Variants in BLK observed in about 807,000 individuals in gnomAD.
BLK encodes tyrosine-protein kinase Blk.
BLK carries 64 observed loss-of-function variants against 61.8 expected under a neutral mutation model. The ratio of observed to expected loss-of-function variants is 1.03; its 90% confidence interval spans 0.85 to 1.27. BLK has a LOEUF of 1.27. Ranked by LOEUF, BLK falls within the 50% of genes most tolerant of loss-of-function variation. The pLI, the probability that BLK is intolerant of heterozygous loss-of-function variation, is 0.00. For missense variants in BLK, 853 were observed against 660.5 expected, an observed-to-expected ratio of 1.29 and a Z score of -3.19; for synonymous variants, 351 against 272.0, an observed-to-expected ratio of 1.29 and a Z score of -2.86.
chr8:11,505,353 C>A (rs1042611247), intron 1 of BLK, among the ~76,000 whole-genome samples: 3 of 152,110 alleles, frequency 2.0e-5, no homozygotes, highest in African/African-American at 7.2e-5. Context: ...TTGGAATGGG[C>A]CTGGAGAAGG....
intron 1 of BLK, among the ~76,000 whole-genome samples, chr8:11,502,718 C>T (rs555086676): frequency 2.0e-5 from 3 of 152,324 alleles, no homozygotes; most frequent in Non-Finnish European, 2.9e-5. Context: ...ACGGGGAGGC[C>T]GAGTGTCTTG....
intron 1 of BLK, among the ~76,000 whole-genome samples, chr8:11,495,517 A>C (rs1798331500): frequency 6.6e-6 from 1 of 152,206 alleles, no homozygotes; most frequent in Non-Finnish European, 1.5e-5. Flanking sequence ...GCTATTGTGA[A>C]CTGCCACGAC....
At chr8:11,497,864 G>T (rs1798413887) in intron 1 of BLK, among the ~76,000 whole-genome samples, 2 of 152,190 alleles carry the variant, frequency 1.3e-5, no homozygotes, top group African/African-American at 4.8e-5. Context: ...AAGCATTGGG[G>T]CTTCCTGCCA....
chr8:11,534,108 T>G (rs777440698), intron 1 of BLK, among the ~76,000 whole-genome samples: 1 of 152,254 alleles, frequency 6.6e-6, no homozygotes, highest in South Asian at 2.1e-4. Context: ...GGGCTGGGGT[T>G]GGGAGTCTGC....
At chr8:11,503,250 C>T (rs1039131653) in intron 1 of BLK, among the ~76,000 whole-genome samples, 12 of 152,242 alleles carry the variant, frequency 7.9e-5, no homozygotes, top group African/African-American at 2.9e-4. Flanking sequence ...ATAGATTAAG[C>T]TGGTTCTGAC....
At chr8:11,519,173 C>T (rs958671978) in intron 1 of BLK, among the ~76,000 whole-genome samples, 3 of 152,176 alleles carry the variant, frequency 2.0e-5, no homozygotes, top group Non-Finnish European at 4.4e-5. Context: ...AGATCTGTCT[C>T]AAAAGTTCTT....
At chr8:11,518,847 C>T (rs560755515) in intron 1 of BLK, among the ~76,000 whole-genome samples, 8 of 152,312 alleles carry the variant, frequency 5.3e-5, no homozygotes, top group African/African-American at 1.9e-4. Flanking sequence ...TCTGCCAAGC[C>T]TGTGCACTTT....
Position 11,556,652 on chromosome 8 carries a change from G to C in BLK, c.773-6G>C. ...CTGATTGGCTTCTTCACTCCCCCGG[G>C]CTCAGGTTACTACAAAAACAACATG... On this transcript the variant is annotated splice_polypyrimidine_tract_variant and splice_region_variant and intron_variant, in intron 8 of 12. Coordinates refer to ENST00000259089, the MANE Select transcript of BLK (RefSeq NM_001715.3). 6.2e-7 allele frequency: 1 copy of C among 1,614,092 alleles called. No homozygotes were observed. Among genetic ancestry groups the C allele is most frequent in the South Asian group, 1.1e-5 (1 of 91,078 alleles).
chr8:11,516,294 C>A lies in BLK; in HGVS notation c.-2+21703C>A, dbSNP rs529508558. ...AGCCACAGTAACAAAGAACAGAAAG[C>A]CCGACAGACACTGTCGTGGATGCTC... On this transcript the variant is annotated intron_variant, in intron 1 of 12. Transcript: ENST00000259089. 3.6e-4 allele frequency among the ~76,000 whole-genome samples: 55 copies of A among 152,316 alleles called. 2 individuals carry two copies. In the South Asian group the frequency reaches 0.011, roughly 31 times the overall value.
Position 11,562,979 on chromosome 8 carries a change from G to C in BLK, c.1181G>C (p.Gly394Ala). 1.2e-6 allele frequency: 2 copies of C among 1,614,062 alleles called. No individual in the cohort carries two copies. The highest frequency in any genetic ancestry group is 1.7e-6 in the Non-Finnish European group (2 of 1,180,014). ...AAAGCTTGCATGGCTTTTCCCACAG[G>C]GGCCAAGTTCCCCATCAAGTGGACA... ...IIDSEYTAQE[G>A]AKFPIKWTAP... is the part of the protein sequence containing the mutation. Residue 394 changes from glycine to alanine, a missense_variant and splice_region_variant, in exon 12 of 13, where the codon GGG becomes GCG. Transcript: ENST00000259089.
At chr8:11,540,640 T>C (rs937081201) in intron 1 of BLK, among the ~76,000 whole-genome samples, 2 of 151,884 alleles carry the variant, frequency 1.3e-5, no homozygotes, top group African/African-American at 4.8e-5. Flanking sequence ...GATTGGAAAA[T>C]GTAGATGAAA....
At chr8:11,548,510 G>A (rs1246132051) in intron 4 of BLK, among the ~76,000 whole-genome samples, 1 of 152,124 alleles carries the variant, frequency 6.6e-6, no homozygotes, top group African/African-American at 2.4e-5. Context: ...AGCCCACACT[G>A]ATGACACACA....
intron 1 of BLK, among the ~76,000 whole-genome samples, chr8:11,526,747 G>T (rs1039789507): frequency 6.6e-6 from 1 of 152,082 alleles, no homozygotes; most frequent in Admixed American, 6.6e-5. Context: ...ATTCTGTTGT[G>T]TTCAGTGCTT....
rs2117600198 is a variant in BLK at position 11,561,328 on chromosome 8, G to A, written c.1056G>A (p.Glu352=). ...AQIAEGMAYI[E]RMNSIHRDLR... Reference sequence around the variant, plus strand: ...TTGCTGAAGGGATGGCATACATTGAGCGCATGAATTCCATCCACCGCGACC... The same window carrying A: ...TTGCTGAAGGGATGGCATACATTGAACGCATGAATTCCATCCACCGCGACC... Residue 352 remains glutamate, a synonymous_variant, in exon 11 of 13, where the codon GAG becomes GAA. Coordinates refer to ENST00000259089, the MANE Select transcript of BLK (RefSeq NM_001715.3). The A allele has an allele frequency of 6.2e-7, 1 of 1,613,964 alleles. No individual in the cohort carries two copies. The highest frequency in any genetic ancestry group is 2.2e-5 in the East Asian group (1 of 44,874).
At chr8:11,536,472 C>A (rs1210318077) in intron 1 of BLK, among the ~76,000 whole-genome samples, 2 of 152,178 alleles carry the variant, frequency 1.3e-5, no homozygotes, top group African/African-American at 4.8e-5. Context: ...CTCACTGCAA[C>A]CTCCACCTCC....
intron 1 of BLK, among the ~76,000 whole-genome samples, chr8:11,537,609 C>T (rs1800185978): frequency 6.6e-6 from 1 of 152,196 alleles, no homozygotes; most frequent in African/African-American, 2.4e-5. Flanking sequence ...GCCCTGGAGA[C>T]AGTAACACCC....
chr8:11,510,144 C>A (rs915698569), intron 1 of BLK, among the ~76,000 whole-genome samples: 3 of 152,182 alleles, frequency 2.0e-5, no homozygotes, highest in Non-Finnish European at 4.4e-5. Flanking sequence ...CATCGTGGAG[C>A]TGGAGAGTGT....
chr8:11,557,132 C>T (rs1263897677), intron 9 of BLK, among the ~76,000 whole-genome samples: 1 of 152,130 alleles, frequency 6.6e-6, no homozygotes, highest in African/African-American at 2.4e-5. Context: ...CTGGGAGGGA[C>T]AGAGCATTGC....
Position 11,563,989 on chromosome 8 carries a change from G to A in BLK, c.1399G>A (p.Gly467Ser), listed in dbSNP as rs1258026565. Reference protein sequence around the residue: ...PDTCPPELYRGVIAECWRSRP... With the variant: ...PDTCPPELYRSVIAECWRSRP... The stretch of plus-strand genomic sequence containing the variant: ...CACCTGCCCGCCCGAGCTGTACCGC[G>A]GCGTCATCGCCGAGTGCTGGCGCAG... The change falls in exon 13 of 13, where the codon GGC becomes AGC. Residue 467 changes from glycine (G) to serine (S), a missense_variant. By Grantham distance (56) the Gly-to-Ser change is moderately conservative (BLOSUM62 0). Coordinates refer to ENST00000259089, the MANE Select transcript of BLK (RefSeq NM_001715.3). 1.2e-6 allele frequency: 2 copies of A among 1,606,034 alleles called. No individual in the cohort carries two copies. Among genetic ancestry groups the A allele is most frequent in the Non-Finnish European group, 1.7e-6 (2 of 1,179,312 alleles).
Sources: gnomAD v4.1 joint callset for allele counts (sites outside exome capture counted in the v4.1 genomes callset) on GRCh38, gnomAD v4.1.1 for gene constraint, MANE v1.5 for transcripts, NCBI Gene and HGNC (gene_info 2026-07-23, HGNC 2026-07-21) for gene names.